The following DNAH14 variants were observed in gnomAD, a reference collection of about 807,000 sequenced individuals.
DNAH14 encodes dynein axonemal heavy chain 14.
DNAH14 carries 478 observed loss-of-function variants against 520.9 expected under a neutral mutation model. That is an observed-to-expected ratio of 0.92 (90% CI 0.85 to 0.99). DNAH14 has a LOEUF of 0.99. Ranked by LOEUF, DNAH14 falls within the 50% of genes least tolerant of loss-of-function variation. DNAH14 has a pLI of 0.00. For missense variants in DNAH14, 4,831 were observed against 5,234.5 expected (o/e 0.92, Z 2.38); for synonymous variants, 1,581 against 1,757.2 (o/e 0.90, Z 2.51).
At chr1:225,040,794 T>G (rs2067407307) in intron 12 of DNAH14, among the ~76,000 whole-genome samples, 1 of 152,346 alleles carries the variant, frequency 6.6e-6, no homozygotes. Flanking sequence ...AATATAAAAT[T>G]GTTTTTCTAA....
intron 41 of DNAH14, 40 bp downstream of exon 41, chr1:225,207,260 A>G: frequency 6.9e-7 from 1 of 1,440,458 alleles, no homozygotes; most frequent in Non-Finnish European, 9.1e-7. Context: ...GATATATCTT[A>G]GCTAGTCAAT....
At chr1:225,063,760 GA>G (rs1329176766) in intron 17 of DNAH14, among the ~76,000 whole-genome samples, 93 of 151,922 alleles carry the variant, frequency 6.1e-4, no homozygotes, top group Non-Finnish European at 8.8e-5. Context: ...CAGATTTGAT[GA>G]AAAGTATAAA....
chr1:225,332,642 A>G (rs1480085357), intron 65 of DNAH14, among the ~76,000 whole-genome samples: 1 of 152,016 alleles, frequency 6.6e-6, no homozygotes, highest in East Asian at 1.9e-4. Flanking sequence ...TGTTGCTGTT[A>G]TTATTGTTGT....
In DNAH14 at chr1:225,156,854, A is replaced by G. The variant is rs1437784557; in HGVS notation, c.5274-2460A>G. Among the ~76,000 whole-genome samples, 28 of 135,124 alleles carry G rather than the reference A, an allele frequency of 2.1e-4. 3 individuals carry two copies. Among genetic ancestry groups the G allele is most frequent in the Middle Eastern group, 7.1e-3 (2 of 282 alleles). 88.6% of individuals were successfully genotyped at this position (135,124 alleles called of 152,430 possible). A position where few individuals can be genotyped will look rare whatever the true frequency, so the allele number is the denominator to read the frequency against. On this transcript the variant is annotated intron_variant, in intron 34 of 85. Coordinates refer to ENST00000682510, the MANE Select transcript of DNAH14 (RefSeq NM_001367479.1). ...CTCAGCCTCCCAAGTAGCTGGGACT[A>G]CAGGCGCCCGCCACTACGCCCGGCT... is the stretch of plus-strand genomic sequence containing the variant.
rs1253806983 is a variant in DNAH14 at position 224,954,812 on chromosome 1, T to C, written c.78-147T>C. On this transcript the variant is annotated intron_variant, in intron 2 of 85. Transcript: ENST00000682510. ...CAGAATAAATATTTAATCTTTCAAT[T>C]ATGGAGCATGTTAACCATAGCATTT... is the stretch of plus-strand genomic sequence containing the variant. The C allele has an allele frequency of 1.0e-5, 6 of 592,888 alleles. No individual in the cohort carries two copies. In the East Asian group the frequency reaches 1.8e-4, roughly 18 times the overall value. The allele number at this position is 592,888 out of a possible 1,614,324, so 36.7% of individuals were successfully genotyped here.
Position 225,367,919 on chromosome 1 carries a change from T to G in DNAH14, c.12205T>G (p.Trp4069Gly), listed in dbSNP as rs773743413. 6.4e-7 allele frequency: 1 copy of G among 1,551,622 alleles called. No individual in the cohort carries two copies. Among genetic ancestry groups the G allele is most frequent in the South Asian group, 1.2e-5 (1 of 84,060 alleles). ...TGAAAATCCTGACTGTGGACAATGG[T>G]GGAAAAAACTTTTATTTAGCCTATG... ...IFENPDCGQW[W>G]KKLLFSLCFF... is the part of the protein sequence containing the mutation. Residue 4069 changes from tryptophan to glycine, a missense_variant, in exon 77 of 86, where the codon TGG (tryptophan) becomes GGG (glycine). Trp to Gly is a radical substitution (Grantham distance 184). Coordinates refer to ENST00000682510, the MANE Select transcript of DNAH14 (RefSeq NM_001367479.1).
intron 36 of DNAH14, among the ~76,000 whole-genome samples, chr1:225,177,544 G>C (rs571935539): frequency 6.6e-6 from 1 of 152,268 alleles, no homozygotes; most frequent in East Asian, 1.9e-4. Flanking sequence ...TGGAGGCCTA[G>C]GAAGAAAAAA....
At chr1:225,194,673 G>T (rs2085897225) in intron 38 of DNAH14, among the ~76,000 whole-genome samples, 1 of 151,998 alleles carries the variant, frequency 6.6e-6, no homozygotes, top group Non-Finnish European at 1.5e-5. Flanking sequence ...TGATAATTGG[G>T]ACCTAATTAA....
At chr1:225,157,329 A>G (rs2149126175) in intron 34 of DNAH14, among the ~76,000 whole-genome samples, 1 of 152,308 alleles carries the variant, frequency 6.6e-6, no homozygotes, top group South Asian at 2.1e-4. Context: ...GTGGGTCTCA[A>G]CTAATTCCAA....
chr1:225,256,502 T>C (rs1045387042), intron 44 of DNAH14, among the ~76,000 whole-genome samples: 1 of 152,012 alleles, frequency 6.6e-6, no homozygotes, highest in African/African-American at 2.4e-5. Context: ...TACAGAAAAC[T>C]AAGTTTAACG....
In DNAH14 at chr1:225,304,957, T is replaced by G. The variant is rs1012694593; in HGVS notation, c.8873T>G (p.Met2958Arg). The G allele has an allele frequency of 6.5e-7, 1 of 1,539,980 alleles. No individual in the cohort carries two copies. The highest frequency in any genetic ancestry group is 1.4e-5 in the African/African-American group (1 of 72,318). Reference protein sequence around the residue: ...APTCVQIHKSMKDLNRKYFEE... With the variant: ...APTCVQIHKSRKDLNRKYFEE... ...ACATGTGTCCAAATCCACAAAAGCA[T>G]GAAAGACTTGAACAGAAAATACTTT... is the stretch of plus-strand genomic sequence containing the variant. Residue 2958 changes from methionine to arginine, a missense_variant, in exon 58 of 86, where the codon ATG becomes AGG. Met to Arg is a moderately conservative substitution (Grantham distance 91). Transcript: ENST00000682510.
chr1:225,063,056 A>T (rs143391039), intron 17 of DNAH14, among the ~76,000 whole-genome samples: 6 of 152,312 alleles, frequency 3.9e-5, no homozygotes, highest in Admixed American at 1.3e-4. Flanking sequence ...AAAGACACTA[A>T]AACAGATTAT....
At chr1:225,398,456 C>A in intron 84 of DNAH14, 64 bp from the exon 85 acceptor site, 1 of 1,529,690 alleles carries the variant, frequency 6.5e-7, no homozygotes, top group Non-Finnish European at 8.8e-7. Flanking sequence ...CAATTCCGGA[C>A]GGAGCCTCCA....
chr1:225,117,206 TTCTC>T (rs1342535221), intron 23 of DNAH14, among the ~76,000 whole-genome samples: 2 of 151,996 alleles, frequency 1.3e-5, no homozygotes, highest in Admixed American at 6.6e-5. Context: ...AATATAGAAA[TTCTC>T]TATACAGTGA....
At chr1:224,993,867 G>T (rs1021561772) in intron 8 of DNAH14, among the ~76,000 whole-genome samples, 1 of 151,704 alleles carries the variant, frequency 6.6e-6, no homozygotes, top group Non-Finnish European at 1.5e-5. Context: ...CATAAGTTTT[G>T]GTCTGTTGCA....
chr1:225,390,057 C>T (rs1028772816), intron 83 of DNAH14, among the ~76,000 whole-genome samples, 184 bp downstream of exon 83: 2 of 152,016 alleles, frequency 1.3e-5, no homozygotes, highest in African/African-American at 4.8e-5. Context: ...CTTCCCTCAC[C>T]CCAACCTCCT....
At chr1:225,144,271 AT>A (rs2149043848) in intron 28 of DNAH14, 125 bp from the exon 29 acceptor site, 1 of 738,706 alleles carries the variant, frequency 1.4e-6, no homozygotes, top group East Asian at 2.7e-5. Flanking sequence ...TTTGATTTTA[AT>A]TTTTTAACTT....
intron 36 of DNAH14, among the ~76,000 whole-genome samples, chr1:225,177,605 G>T (rs2083470858): frequency 6.6e-6 from 1 of 152,062 alleles, no homozygotes; most frequent in South Asian, 2.1e-4. Context: ...AGCCTGAAAG[G>T]GGACAATGTA....
At chr1:225,308,246 CTT>C (rs2094289618) in intron 59 of DNAH14, 37 bp from the exon 60 acceptor site, 1 of 1,511,850 alleles carries the variant, frequency 6.6e-7, no homozygotes, top group Non-Finnish European at 8.8e-7. Context: ...GATCATGTCT[CTT>C]AAAATTCATT....
Sources: allele counts gnomAD v4.1 joint callset (sites outside exome capture counted in the v4.1 genomes callset), GRCh38; gene constraint gnomAD v4.1.1; transcripts MANE v1.5; gene names NCBI Gene and HGNC (gene_info 2026-07-23, HGNC 2026-07-21).